Variants in MFSD8 observed in about 807,000 individuals in gnomAD.
MFSD8 encodes major facilitator superfamily domain containing 8.
Under a neutral mutation model 66.4 loss-of-function variants are expected in MFSD8, and 55 were observed. That is an observed-to-expected ratio of 0.83 (90% CI 0.67 to 1.04). The LOEUF is 1.04. Among genes scored for constraint, MFSD8 ranks in the 50% least tolerant of loss-of-function variants. MFSD8 has a pLI of 0.00. For missense variants in MFSD8, 550 were observed against 627.6 expected (o/e 0.88, Z 1.32); for synonymous variants, 202 against 212.8 (o/e 0.95, Z 0.44).
chr4:127,933,623 T>C (rs1245642262), intron 7 of MFSD8: 3 of 153,778 alleles, frequency 2.0e-5, no homozygotes, highest in Non-Finnish European at 2.9e-5. Flanking sequence ...CCCAGAGATA[T>C]ACTTCAATCC....
chr4:127,947,849 C>T (rs1741309884), intron 3 of MFSD8, among the ~76,000 whole-genome samples: 1 of 144,840 alleles, frequency 6.9e-6, no homozygotes, highest in Admixed American at 7.3e-5. Context: ...ATAAAACACA[C>T]ATATGCACGT....
chr4:127,921,528 G>A lies in MFSD8; in HGVS notation c.1346C>T (p.Pro449Leu), dbSNP rs780779080. ...ATGTCAGGGTACCTGGCTTACCTGA[G>A]GTTTTGGTCCTAGAATTTTTGAATA... ...TLYSKILGPK[P>L]QGVYMGWLTA... The change falls in exon 11 of 12, where the codon CCT becomes CTT. Residue 449 changes from proline (P) to leucine (L), a missense_variant. By Grantham distance (98) the Pro-to-Leu change is moderately conservative. Transcript: ENST00000641686. The A allele has an allele frequency of 2.5e-6, 4 of 1,614,148 alleles. No homozygotes were observed. Among genetic ancestry groups the A allele is most frequent in the East Asian group, 2.2e-5 (1 of 44,886 alleles).
intron 7 of MFSD8, 128 bp downstream of exon 7, chr4:127,938,655 T>C: frequency 2.1e-6 from 1 of 468,924 alleles, no homozygotes; most frequent in Non-Finnish European, 3.9e-6. Context: ...CTTTCAGCTT[T>C]GAAGATCTTC....
Position 127,930,729 on chromosome 4 carries a change from C to T in MFSD8, c.952G>A (p.Val318Ile), listed in dbSNP as rs1328759297. The change falls in exon 9 of 12, where the codon GTT (valine) becomes ATT (isoleucine). Residue 318 changes from valine (V) to isoleucine (I), a missense_variant. Coordinates refer to ENST00000641686, the MANE Select transcript of MFSD8 (RefSeq NM_001371596.2). ...CCTAAGAAAATAACAACGGCTTCAACCCCAAGAGCAGCAAGTATTATGCCA... is the reference window on the plus strand; with the variant it reads ...CCTAAGAAAATAACAACGGCTTCAATCCCAAGAGCAGCAAGTATTATGCCA... ...YNGIILAALG[V>I]EAVVIFLGVK... The T allele has an allele frequency of 1.9e-6, 3 of 1,613,550 alleles. No homozygotes were observed. Among genetic ancestry groups the T allele is most frequent in the South Asian group, 2.2e-5 (2 of 91,016 alleles).
chr4:127,944,116 A>G lies in MFSD8; in HGVS notation c.199-124T>C, dbSNP rs113834381. The stretch of plus-strand genomic sequence containing the variant: ...AAAACAATTCTAACGTATAAGTTTT[A>G]TAACACTATTACTTATAGTAAGGGA... On this transcript the variant is annotated intron_variant, in intron 3 of 11. Coordinates refer to ENST00000641686, the MANE Select transcript of MFSD8 (RefSeq NM_001371596.2). 7,075 of 1,301,820 alleles carry G rather than the reference A, an allele frequency of 5.4e-3. 280 individuals are homozygous for G. In the African/African-American group the frequency reaches 0.094, roughly 17 times the overall value. The allele number at this position is 1,301,820 out of a possible 1,614,324, so 80.6% of individuals were successfully genotyped here. A position where few individuals can be genotyped will look rare whatever the true frequency, so the allele number is the denominator to read the frequency against.
rs776272077 is a variant in MFSD8 at position 127,933,002 on chromosome 4, G to A, written c.846C>T (p.Ile282=). ...INVLFFVTLF[I]FALFETIITP... ...AAACTTACGTTTCAAAAAGGGCAAA[G>A]ATAAATAGAGTCACAAAAAACAGAA... Residue 282 remains isoleucine (I), a synonymous_variant, in exon 8 of 12, where the codon ATC becomes ATT. Coordinates refer to ENST00000641686, the MANE Select transcript of MFSD8 (RefSeq NM_001371596.2). 1 of 1,613,124 alleles carries A rather than the reference G, an allele frequency of 6.2e-7. No individual in the cohort carries two copies. Among genetic ancestry groups the A allele is most frequent in the Non-Finnish European group, 8.5e-7 (1 of 1,179,312 alleles).
upstream of MFSD8, chr4:127,965,432 T>G (rs1422907540): frequency 5.5e-6 from 3 of 545,604 alleles, no homozygotes; most frequent in African/African-American, 5.7e-5. Flanking sequence ...CTGCTCCGGG[T>G]TTGTCTTCCT....
chr4:127,946,662 T>C (rs1441021789), intron 3 of MFSD8, among the ~76,000 whole-genome samples: 1 of 152,154 alleles, frequency 6.6e-6, no homozygotes, highest in Non-Finnish European at 1.5e-5. Context: ...ACACTTGTAA[T>C]GCCAGCACTT....
intron 9 of MFSD8, among the ~76,000 whole-genome samples, chr4:127,925,239 A>G (rs916255969): frequency 6.6e-6 from 1 of 152,222 alleles, no homozygotes; most frequent in Admixed American, 6.5e-5. Context: ...AAAATTGATA[A>G]ATGGGATCTA....
At chr4:127,965,514 T>G (rs1744987992), upstream of MFSD8, 1 of 349,984 alleles carries the variant, frequency 2.9e-6, no homozygotes, top group African/African-American at 2.1e-5. Flanking sequence ...CGATTGGGGC[T>G]GGGACCAAAG....
chr4:127,938,576 CTG>C (rs1313017573), intron 7 of MFSD8, among the ~76,000 whole-genome samples: 3 of 135,334 alleles, frequency 2.2e-5, no homozygotes, highest in African/African-American at 3.1e-5. Flanking sequence ...GAGCGAAACT[CTG>C]TCTCAAAAAA....
chr4:127,921,478 T>TA, intron 11 of MFSD8, 46 bp downstream of exon 11: 2 of 1,612,932 alleles, frequency 1.2e-6, no homozygotes, highest in Non-Finnish European at 1.7e-6. Flanking sequence ...GTTGAGTGCT[T>TA]ACAAGTATAT....
chr4:127,947,444 A>G (rs1741232127), intron 3 of MFSD8, among the ~76,000 whole-genome samples: 1 of 151,570 alleles, frequency 6.6e-6, no homozygotes, highest in Admixed American at 6.6e-5. Flanking sequence ...CGGGTGTGGT[A>G]GCTGGCGTCT....
intron 7 of MFSD8, among the ~76,000 whole-genome samples, chr4:127,934,354 C>T (rs114100329): frequency 1.3e-3 from 198 of 152,096 alleles, no homozygotes; most frequent in Non-Finnish European, 2.3e-3. Context: ...CAGGATTTGA[C>T]GGTGGTTTTA....
chr4:127,938,244 ATGTT>A (rs1360415189), intron 7 of MFSD8, among the ~76,000 whole-genome samples: 1 of 152,124 alleles, frequency 6.6e-6, no homozygotes, highest in Admixed American at 6.5e-5. Flanking sequence ...ATTTTTTACA[ATGTT>A]TGTAACCTTG....
intron 1 of MFSD8, among the ~76,000 whole-genome samples, chr4:127,960,628 T>C (rs960260550): frequency 6.6e-6 from 1 of 152,180 alleles, no homozygotes; most frequent in Non-Finnish European, 1.5e-5. Context: ...CTGAAAATAT[T>C]CTATAAAGAT....
intron 3 of MFSD8, among the ~76,000 whole-genome samples, chr4:127,947,719 C>T (rs2148936078): frequency 6.6e-6 from 1 of 151,884 alleles, no homozygotes; most frequent in Middle Eastern, 3.4e-3. Context: ...AAAAGCATTC[C>T]AGTAAAAAGG....
intron 5 of MFSD8, among the ~76,000 whole-genome samples, chr4:127,941,290 G>T (rs1481350512): frequency 3.3e-5 from 5 of 152,054 alleles, no homozygotes; most frequent in African/African-American, 1.2e-4. Flanking sequence ...ACTGGGGGTG[G>T]GAGATGGGGT....
chr4:127,952,766 A>C lies in MFSD8; in HGVS notation c.155-2919T>G, dbSNP rs182680051. Among the ~76,000 whole-genome samples, 195 of 149,322 alleles carry C rather than the reference A, an allele frequency of 1.3e-3. 1 individual carries two copies. Among genetic ancestry groups the C allele is most frequent in the Admixed American group, 5.1e-3 (75 of 14,840 alleles). ...GCACCTGTAGTCTCATCTATTCAGGAGGCTGAGGCAGGAGAATCGCTTGAA... is the reference window on the plus strand; with the variant it reads ...GCACCTGTAGTCTCATCTATTCAGGCGGCTGAGGCAGGAGAATCGCTTGAA... On this transcript the variant is annotated intron_variant, in intron 2 of 11. Transcript: ENST00000641686.
Sources: gnomAD v4.1 joint callset for allele counts (sites outside exome capture counted in the v4.1 genomes callset) on GRCh38, gnomAD v4.1.1 for gene constraint, MANE v1.5 for transcripts, NCBI Gene and HGNC (gene_info 2026-07-23, HGNC 2026-07-21) for gene names.